TKT: variants seen among roughly 807,000 people sequenced by gnomAD.
The protein encoded by TKT is epididymis luminal protein 107.
In TKT, 47 loss-of-function variants were observed where a neutral mutation model predicts 63.9. The ratio of observed to expected loss-of-function variants is 0.74; its 90% confidence interval spans 0.58 to 0.94. The LOEUF (loss-of-function observed/expected upper bound fraction) is 0.94. TKT is among the 40% of genes least tolerant of loss of function. The probability of loss-of-function intolerance (pLI) is 0.00; values close to 1 mark genes in which losing one functional copy is unlikely to be tolerated. For synonymous variants in TKT, 338 were observed against 334.1 expected, an observed-to-expected ratio of 1.01 and a Z score of -0.13; for missense variants, 721 against 846.2, an observed-to-expected ratio of 0.85 and a Z score of 1.84.
At chr3:53,233,012 C>CA (rs1704837761) in intron 6 of TKT, 144 bp downstream of exon 6, 2 of 699,414 alleles carry the variant, frequency 2.9e-6, no homozygotes, top group Non-Finnish European at 4.9e-6. Context: ...CACTGAGTCA[C>CA]AGCATCTCCC....
Position 53,233,289 on chromosome 3 carries a change from C to T in TKT, c.630-15G>A, listed in dbSNP as rs1232271960. ...TGGCATGCCAACTGGGGACAGGGGG[C>T]AGAGAGTAAGGGGCAATTCCCAGGG... On this transcript the variant is annotated splice_polypyrimidine_tract_variant and intron_variant, in intron 5 of 13. Coordinates refer to ENST00000462138, the MANE Select transcript of TKT (RefSeq NM_001064.4). 2.1e-5 allele frequency: 34 copies of T among 1,600,920 alleles called. No individual in the cohort carries two copies. The highest frequency in any genetic ancestry group is 2.7e-5 in the Non-Finnish European group (32 of 1,172,828).
intron 7 of TKT, 153 bp downstream of exon 7, chr3:53,231,204 G>T: frequency 1.2e-6 from 1 of 835,000 alleles, no homozygotes. Context: ...CTGTCATTCT[G>T]AGGGAAGTGA....
intron 1 of TKT, among the ~76,000 whole-genome samples, chr3:53,244,428 A>T (rs1705420363): frequency 6.6e-6 from 1 of 152,176 alleles, no homozygotes; most frequent in Non-Finnish European, 1.5e-5. Context: ...ATAACGCAGC[A>T]TGCACAGTAC....
At chr3:53,243,766 T>C in intron 1 of TKT, 2 of 396,688 alleles carry the variant, frequency 5.0e-6, no homozygotes, top group Admixed American at 5.9e-5. Context: ...GGAGGTCACC[T>C]CAGGCTGACC....
intron 1 of TKT, among the ~76,000 whole-genome samples, chr3:53,251,914 C>T (rs941258147): frequency 3.3e-5 from 5 of 152,132 alleles, no homozygotes; most frequent in Non-Finnish European, 7.4e-5. Flanking sequence ...CCGAGGCGGG[C>T]GGATCACCTG....
intron 1 of TKT, among the ~76,000 whole-genome samples, chr3:53,249,556 G>C (rs1428451404): frequency 6.6e-6 from 1 of 152,048 alleles, no homozygotes; most frequent in Non-Finnish European, 1.5e-5. Context: ...CTGCACTCCA[G>C]CCTGGGTGAC....
intron 4 of TKT, among the ~76,000 whole-genome samples, chr3:53,236,518 C>G (rs2106689869): frequency 6.6e-6 from 1 of 152,326 alleles, no homozygotes; most frequent in Non-Finnish European, 1.5e-5. Flanking sequence ...CTGTCCCAGC[C>G]TTGCCTCCTC....
At chr3:53,228,393 A>G (rs1410104760) in intron 10 of TKT, 34 bp from the exon 11 acceptor site, 1 of 1,609,996 alleles carries the variant, frequency 6.2e-7, no homozygotes, top group African/African-American at 1.3e-5. Flanking sequence ...AGGATACAGG[A>G]TGTGGCACAC....
intron 1 of TKT, among the ~76,000 whole-genome samples, chr3:53,252,758 A>G (rs1423411566): frequency 6.6e-6 from 1 of 152,050 alleles, no homozygotes. Context: ...AGACTGACTA[A>G]TATCCACCGC....
intron 1 of TKT, among the ~76,000 whole-genome samples, chr3:53,251,371 GT>G (rs1553681634): frequency 6.6e-6 from 1 of 152,220 alleles, no homozygotes; most frequent in East Asian, 1.9e-4. Flanking sequence ...GGCCACTGGG[GT>G]TTTGTTTTTT....
At chr3:53,248,459 C>A (rs994717077) in intron 1 of TKT, among the ~76,000 whole-genome samples, 2 of 152,094 alleles carry the variant, frequency 1.3e-5, no homozygotes, top group Non-Finnish European at 2.9e-5. Context: ...AGCAACATAC[C>A]CTGTCTCTAC....
chr3:53,244,070 GGA>G (rs1272619336), intron 1 of TKT, among the ~76,000 whole-genome samples: 1 of 152,230 alleles, frequency 6.6e-6, no homozygotes, highest in Admixed American at 6.5e-5. Context: ...GAGTAAACGT[GGA>G]GAGAGGAAGG....
At chr3:53,227,060 A>G in intron 12 of TKT, 182 bp from the exon 13 acceptor site, 1 of 682,554 alleles carries the variant, frequency 1.5e-6, no homozygotes, top group Non-Finnish European at 2.4e-6. Context: ...ATGCTTGCCA[A>G]CCCCTTGCAC....
At chr3:53,226,054 T>C (rs1014176093) in intron 13 of TKT, 123 bp from the exon 14 acceptor site, 126 of 850,548 alleles carry the variant, frequency 1.5e-4, no homozygotes, top group Middle Eastern at 3.8e-4. Flanking sequence ...TCTCCACCTG[T>C]AGCCATGAGC....
chr3:53,244,989 A>C (rs1319025460), intron 1 of TKT, among the ~76,000 whole-genome samples: 1 of 152,026 alleles, frequency 6.6e-6, no homozygotes, highest in Non-Finnish European at 1.5e-5. Context: ...GCTTAGAGCT[A>C]GGCCCAAAGA....
chr3:53,245,306 CAA>C (rs781814492), intron 1 of TKT, among the ~76,000 whole-genome samples: 4,090 of 92,046 alleles, frequency 0.044, 128 homozygotes, highest in African/African-American at 0.11. Context: ...CACTCCATCT[CAA>C]AAAAAAAAAA....
Position 53,226,897 on chromosome 3 carries a change from G to A in TKT, c.1574-19C>T, listed in dbSNP as rs782369156. 13 of 1,585,586 alleles carry A rather than the reference G, an allele frequency of 8.2e-6. No individual in the cohort carries two copies. Among genetic ancestry groups the A allele is most frequent in the African/African-American group, 6.7e-5 (5 of 74,418 alleles). ...ATCTTTTCTGTGAGGGAGAGCACAC[G>A]GCGTGGCTGAGGGGAGGGCTGGGCA... On this transcript the variant is annotated intron_variant, in intron 12 of 13. Coordinates refer to ENST00000462138, the MANE Select transcript of TKT (RefSeq NM_001064.4).
chr3:53,236,092 A>G (rs1376361324), intron 4 of TKT, among the ~76,000 whole-genome samples: 1 of 152,252 alleles, frequency 6.6e-6, no homozygotes, highest in Non-Finnish European at 1.5e-5. Flanking sequence ...CCGTGCAGGC[A>G]TGCAAGTAGG....
intron 6 of TKT, 32 bp downstream of exon 6, chr3:53,233,124 G>A: frequency 6.3e-7 from 1 of 1,587,364 alleles, no homozygotes; most frequent in Non-Finnish European, 8.6e-7. Flanking sequence ...GGCGAGGGGT[G>A]AAGGTGGGGA....
Sources: allele counts gnomAD v4.1 joint callset (sites outside exome capture counted in the v4.1 genomes callset), GRCh38; gene constraint gnomAD v4.1.1; transcripts MANE v1.5; gene names NCBI Gene and HGNC (gene_info 2026-07-23, HGNC 2026-07-21).